Variants in FMO3 observed in about 807,000 individuals in gnomAD.
The protein encoded by FMO3 is flavin containing dimethylaniline monoxygenase 3.
In FMO3, 40 loss-of-function variants were observed where a neutral mutation model predicts 39.4. That is an observed-to-expected ratio of 1.02 (90% CI 0.79 to 1.32). FMO3 has a LOEUF of 1.32. FMO3 is among the 40% of genes most tolerant of loss of function. The probability of loss-of-function intolerance (pLI) is 0.00; values close to 1 mark genes in which losing one functional copy is unlikely to be tolerated. For missense variants in FMO3, 680 were observed against 651.8 expected, an observed-to-expected ratio of 1.04 and a Z score of -0.47; for synonymous variants, 219 against 228.8, an observed-to-expected ratio of 0.96 and a Z score of 0.39.
At chr1:171,116,151 C>T in intron 7 of FMO3, 57 bp from the exon 8 acceptor site, 3 of 1,049,724 alleles carry the variant, frequency 2.9e-6, no homozygotes, top group Non-Finnish European at 4.5e-6. Flanking sequence ...GGGAAAATTA[C>T]AGGCTGGTCC....
At chr1:171,101,638 A>G (rs971208562) in intron 2 of FMO3, 1 of 468,958 alleles carries the variant, frequency 2.1e-6, no homozygotes, top group African/African-American at 2.0e-5. Flanking sequence ...GCTGTTTACT[A>G]CAGCACTTTC....
intron 2 of FMO3, chr1:171,101,831 A>G: frequency 2.2e-6 from 1 of 462,746 alleles, no homozygotes; most frequent in South Asian, 1.6e-5. Context: ...TCCCCAAACA[A>G]TAAATCAGTA....
At chr1:171,097,965 G>A (rs1655182949) in intron 2 of FMO3, among the ~76,000 whole-genome samples, 1 of 152,146 alleles carries the variant, frequency 6.6e-6, no homozygotes, top group African/African-American at 2.4e-5. Flanking sequence ...ATTAATTTTT[G>A]TATAAGGTGT....
At position 171,115,429 on chromosome 1, in the gene FMO3, A is replaced by C. The variant is rs149736541; in HGVS notation, c.1184-779A>C. On this transcript the variant is annotated intron_variant, in intron 7 of 8. Transcript: ENST00000367755. ...TCCTCTGAAAAGCATGACAAGTTCC[A>C]AGGCCTGGAACCATACCATATCTAC... Among the ~76,000 whole-genome samples the C allele has an allele frequency of 9.1e-3, 1,389 of 152,262 alleles. 18 individuals are homozygous for C. The highest frequency in any genetic ancestry group is 0.038 in the South Asian group (185 of 4,822).
chr1:171,102,402 T>G (rs12072547), intron 2 of FMO3, among the ~76,000 whole-genome samples: 1 of 152,088 alleles, frequency 6.6e-6, no homozygotes, highest in African/African-American at 2.4e-5. Context: ...AAACCAAGGC[T>G]CCACCTCTTC....
chr1:171,114,187 C>CT lies in FMO3; in HGVS notation c.1010dup (p.Leu338ProfsTer2), dbSNP rs763369659. ...CAACAGGGTATAGTTTTGCCTACCC[C>CT]TTCCTTGATGAGTCTATCATCAAAA... On this transcript the variant is annotated frameshift_variant, in exon 7 of 9. Transcript: ENST00000367755. LOFTEE classifies it high-confidence loss of function. 8 of 1,614,044 alleles carry CT rather than the reference C, an allele frequency of 5.0e-6. No individual in the cohort carries two copies. Among genetic ancestry groups the CT allele is most frequent in the Non-Finnish European group, 6.8e-6 (8 of 1,179,950 alleles).
chr1:171,099,237 G>A lies in FMO3; in HGVS notation c.133-4548G>A, dbSNP rs141761850. ...ATGAGTTTCTTAATCCTGAGTTCTA[G>A]TTTGATTGCACTGTGGTCTGAGAGA... is the stretch of plus-strand genomic sequence containing the variant. On this transcript the variant is annotated intron_variant, in intron 2 of 8. Coordinates refer to ENST00000367755, the MANE Select transcript of FMO3 (RefSeq NM_001002294.3). Among the ~76,000 whole-genome samples the A allele has an allele frequency of 3.9e-3, 599 of 152,252 alleles. 7 individuals are homozygous for A. Among genetic ancestry groups the A allele is most frequent in the African/African-American group, 0.013 (559 of 41,546 alleles).
intron 5 of FMO3, among the ~76,000 whole-genome samples, chr1:171,109,693 C>T (rs28363557): frequency 0.065 from 9,822 of 151,818 alleles, 601 homozygotes; most frequent in East Asian, 0.21. Flanking sequence ...CACCACCACA[C>T]CCCATACCCA....
chr1:171,091,863 G>A (rs368270964), intron 1 of FMO3, among the ~76,000 whole-genome samples: 7 of 152,024 alleles, frequency 4.6e-5, no homozygotes, highest in African/African-American at 4.8e-5. Context: ...CTCATTATCC[G>A]TATCTAAGTA....
chr1:171,106,401 A>G (rs533541188), intron 3 of FMO3, among the ~76,000 whole-genome samples: 1 of 152,218 alleles, frequency 6.6e-6, no homozygotes, highest in South Asian at 2.1e-4. Context: ...CACCCTCCCA[A>G]AGCACTGGGA....
chr1:171,106,162 C>T (rs953538841), intron 3 of FMO3, among the ~76,000 whole-genome samples: 79 of 150,360 alleles, frequency 5.3e-4, no homozygotes, highest in African/African-American at 1.4e-3. Context: ...TGTTTTGACA[C>T]GGAGTTTCCC....
At position 171,107,835 on chromosome 1, in the gene FMO3, C is replaced by G; in HGVS notation, c.482C>G (p.Pro161Arg). ...VYPNLPKESF[P>R]GLNHFKGKCF... Reference sequence around the variant, plus strand: ...CCCAACCTACCAAAAGAGTCCTTTCCAGGTAAGGCCAAAATTTAAGCTGCT... The same window carrying G: ...CCCAACCTACCAAAAGAGTCCTTTCGAGGTAAGGCCAAAATTTAAGCTGCT... The change falls in exon 4 of 9, where the codon CCA becomes CGA. Residue 161 changes from proline (P) to arginine (R), a missense_variant and splice_region_variant. Transcript: ENST00000367755. 6.2e-7 allele frequency: 1 copy of G among 1,613,704 alleles called. No homozygotes were observed. The highest frequency in any genetic ancestry group is 8.5e-7 in the Non-Finnish European group (1 of 1,179,706).
At chr1:171,115,069 G>C (rs1656083365) in intron 7 of FMO3, among the ~76,000 whole-genome samples, 1 of 152,298 alleles carries the variant, frequency 6.6e-6, no homozygotes, top group African/African-American at 2.4e-5. Context: ...GGGAGATGCA[G>C]ATCACACGAC....
intron 3 of FMO3, among the ~76,000 whole-genome samples, chr1:171,105,230 A>G (rs1655588439): frequency 6.6e-6 from 1 of 152,184 alleles, no homozygotes; most frequent in Admixed American, 6.6e-5. Flanking sequence ...TTATTTCAAT[A>G]TTTTAGAAAC....
At chr1:171,096,109 T>TA in intron 2 of FMO3, among the ~76,000 whole-genome samples, 1 of 53,502 alleles carries the variant, frequency 1.9e-5, no homozygotes. Flanking sequence ...ATATAATTAA[T>TA]TATTATATAT....
chr1:171,103,763 A>G (rs1179079127), intron 2 of FMO3, 22 bp from the exon 3 acceptor site: 2 of 1,600,750 alleles, frequency 1.2e-6, no homozygotes, highest in African/African-American at 2.7e-5. Flanking sequence ...ATTCGCTTCC[A>G]TTTGATACTA....
At chr1:171,104,541 T>C (rs1008585263) in intron 3 of FMO3, among the ~76,000 whole-genome samples, 11 of 152,156 alleles carry the variant, frequency 7.2e-5, no homozygotes, top group East Asian at 3.9e-4. Context: ...AAAAAGCATA[T>C]GTACAAATTG....
chr1:171,098,413 T>C (rs1655204880), intron 2 of FMO3, among the ~76,000 whole-genome samples: 1 of 152,218 alleles, frequency 6.6e-6, no homozygotes, highest in Non-Finnish European at 1.5e-5. Context: ...TGATTCTTCC[T>C]ATCCATGAGC....
rs368194307 is a variant in FMO3 at position 171,108,143 on chromosome 1, T to C, written c.549T>C (p.Asn183=). ...SRDYKEPGVF[N]GKRVLVVGLG... is the part of the protein sequence containing the mutation. ...ACTATAAAGAACCAGGTGTATTCAA[T>C]GGAAAGCGTGTCCTGGTGGTTGGCC... The change falls in exon 5 of 9, where the codon AAT becomes AAC. Residue 183 remains asparagine, a synonymous_variant. Coordinates refer to ENST00000367755, the MANE Select transcript of FMO3 (RefSeq NM_001002294.3). 222 of 1,613,920 alleles carry C rather than the reference T, an allele frequency of 1.4e-4. No individual in the cohort carries two copies. In the East Asian group the frequency reaches 4.3e-3, roughly 32 times the overall value.
Sources: allele counts gnomAD v4.1 joint callset (sites outside exome capture counted in the v4.1 genomes callset), GRCh38; gene constraint gnomAD v4.1.1; transcripts MANE v1.5; gene names NCBI Gene and HGNC (gene_info 2026-07-23, HGNC 2026-07-21).